The following FRYL variants were observed in gnomAD, a reference collection of about 807,000 sequenced individuals.
FRYL encodes protein furry homolog-like.
Under a neutral mutation model 351.2 loss-of-function variants are expected in FRYL, and 150 were observed. The observed-to-expected ratio is 0.43, with a 90% CI of 0.37 to 0.49. The LOEUF (loss-of-function observed/expected upper bound fraction) is 0.49. FRYL is among the 20% of genes least tolerant of loss of function. The pLI is 0.00. For missense variants in FRYL, 3,036 were observed against 3,619.3 expected (o/e 0.84, Z 4.13); for synonymous variants, 1,153 against 1,257.1 (o/e 0.92, Z 1.75).
intron 9 of FRYL, among the ~76,000 whole-genome samples, chr4:48,607,219 C>T (rs953857413): frequency 1.1e-4 from 17 of 151,988 alleles, no homozygotes; most frequent in African/African-American, 4.1e-4. Flanking sequence ...CTTAATTATC[C>T]CCTTCCCCCC....
At chr4:48,628,586 G>A (rs563603996) in intron 4 of FRYL, among the ~76,000 whole-genome samples, 53 of 151,844 alleles carry the variant, frequency 3.5e-4, no homozygotes, top group African/African-American at 1.2e-3. Context: ...TAGAGTGGGG[G>A]GAATAATTTC....
intron 56 of FRYL, among the ~76,000 whole-genome samples, chr4:48,512,973 T>C (rs1722796401): frequency 6.6e-6 from 1 of 152,172 alleles, no homozygotes; most frequent in South Asian, 2.1e-4. Context: ...TAGTAACTTC[T>C]ATGAATAATA....
intron 4 of FRYL, 57 bp from the exon 5 acceptor site, chr4:48,623,236 T>C: frequency 1.0e-6 from 1 of 986,604 alleles, no homozygotes; most frequent in Non-Finnish European, 1.5e-6. Flanking sequence ...TATAAAACAT[T>C]AGAAATCTTC....
At chr4:48,532,943 GA>G (rs1401421644) in intron 49 of FRYL, among the ~76,000 whole-genome samples, 3 of 151,798 alleles carry the variant, frequency 2.0e-5, no homozygotes, top group Non-Finnish European at 2.9e-5. Context: ...AAGAAATCTG[GA>G]AAAAAAATTG....
intron 1 of FRYL, among the ~76,000 whole-genome samples, chr4:48,721,601 C>G (rs1769481319): frequency 6.6e-6 from 1 of 152,142 alleles, no homozygotes; most frequent in African/African-American, 2.4e-5. Flanking sequence ...CAGCTTAAAA[C>G]TTGAACATCT....
At chr4:48,523,592 C>T (rs2148838027) in intron 53 of FRYL, 1 of 153,822 alleles carries the variant, frequency 6.5e-6, no homozygotes, top group African/African-American at 2.4e-5. Flanking sequence ...TTTGTGATTT[C>T]TCAAACCCAA....
At chr4:48,726,278 C>T (rs1560319687) in intron 1 of FRYL, among the ~76,000 whole-genome samples, 1 of 152,238 alleles carries the variant, frequency 6.6e-6, no homozygotes, top group Admixed American at 6.5e-5. Flanking sequence ...ATTTTCCCTT[C>T]TCCTTCTGGG....
At chr4:48,544,474 ATTTT>A (rs573254352) in intron 43 of FRYL, among the ~76,000 whole-genome samples, 1 of 152,032 alleles carries the variant, frequency 6.6e-6, no homozygotes, top group Admixed American at 6.6e-5. Context: ...TACCAGCACA[ATTTT>A]TTTTAAGTTT....
intron 3 of FRYL, among the ~76,000 whole-genome samples, chr4:48,655,562 T>C (rs1410604631): frequency 6.6e-6 from 1 of 150,786 alleles, no homozygotes; most frequent in Non-Finnish European, 1.5e-5. Flanking sequence ...TCCAAAGTGA[T>C]TTCATAATAC....
chr4:48,551,584 A>G lies in FRYL; in HGVS notation c.4436-6T>C, dbSNP rs1442577829. 6.3e-7 allele frequency: 1 copy of G among 1,584,862 alleles called. No homozygotes were observed. Among genetic ancestry groups the G allele is most frequent in the Admixed American group, 1.7e-5 (1 of 59,824 alleles). ...ATTGCTACTGGAAGTAGTTCCTGTA[A>G]TCAAAGACAAAGCAGTACTCGTGAA... On this transcript the variant is annotated splice_polypyrimidine_tract_variant and splice_region_variant and intron_variant, in intron 36 of 63. Transcript: ENST00000358350.
chr4:48,592,378 A>G (rs1351752036), intron 16 of FRYL, among the ~76,000 whole-genome samples: 2 of 152,080 alleles, frequency 1.3e-5, no homozygotes, highest in Non-Finnish European at 2.9e-5. Context: ...AGTCCTTGAA[A>G]AGAAAATACA....
intron 60 of FRYL, among the ~76,000 whole-genome samples, chr4:48,504,892 G>A (rs2148719345): frequency 6.6e-6 from 1 of 152,134 alleles, no homozygotes; most frequent in East Asian, 1.9e-4. Context: ...CTAGAAATCT[G>A]TAATAATATA....
intron 25 of FRYL, among the ~76,000 whole-genome samples, chr4:48,573,794 GC>G (rs1308134682): frequency 6.6e-6 from 1 of 152,052 alleles, no homozygotes; most frequent in African/African-American, 2.4e-5. Flanking sequence ...CAGGCGATTT[GC>G]CCGCCTCAGC....
chr4:48,510,639 T>C (rs1165100220), intron 58 of FRYL, among the ~76,000 whole-genome samples, 196 bp downstream of exon 58: 3 of 152,148 alleles, frequency 2.0e-5, no homozygotes, highest in Non-Finnish European at 4.4e-5. Flanking sequence ...GGTAAGGGCA[T>C]GAAGGAGTCA....
intron 2 of FRYL, among the ~76,000 whole-genome samples, chr4:48,701,646 T>C (rs1335423642): frequency 1.3e-5 from 2 of 152,190 alleles, no homozygotes; most frequent in Non-Finnish European, 2.9e-5. Context: ...AAATCAAGTA[T>C]GAGAATCAAG....
At chr4:48,682,948 A>AT (rs1252320988) in intron 3 of FRYL, among the ~76,000 whole-genome samples, 3 of 152,186 alleles carry the variant, frequency 2.0e-5, no homozygotes, top group Non-Finnish European at 4.4e-5. Flanking sequence ...AAATCATTCT[A>AT]TTATAAAGAC....
Position 48,549,711 on chromosome 4 carries a change from G to A in FRYL, c.4634-88C>T. On this transcript the variant is annotated intron_variant, in intron 38 of 63. Transcript: ENST00000358350. The surrounding 1 kb of genome is among the most constrained non-coding windows in gnomAD (Gnocchi z 4.2). ...TAGTAAGATCCCAACTATTTATATA[G>A]TATTGGAAAGTGATAAAAAAAATTT... is the stretch of plus-strand genomic sequence containing the variant. The A allele has an allele frequency of 9.6e-7, 1 of 1,036,746 alleles. No individual in the cohort carries two copies. The highest frequency in any genetic ancestry group is 1.4e-6 in the Non-Finnish European group (1 of 730,302). 64.2% of individuals were successfully genotyped at this position (1,036,746 alleles called of 1,614,324 possible). A position where few individuals can be genotyped will look rare whatever the true frequency, so the allele number is the denominator to read the frequency against.
intron 25 of FRYL, among the ~76,000 whole-genome samples, chr4:48,574,159 G>T (rs569118225): frequency 6.6e-6 from 1 of 152,022 alleles, no homozygotes; most frequent in Admixed American, 6.5e-5. Context: ...TTGAAAATGT[G>T]CTTATTTTAA....
chr4:48,502,562 G>A (rs1263167993), intron 61 of FRYL, among the ~76,000 whole-genome samples: 19 of 137,180 alleles, frequency 1.4e-4, no homozygotes, highest in African/African-American at 5.4e-4. Flanking sequence ...AAAAAAAAAA[G>A]TTGTGCACTT....
Sources: gnomAD v4.1 joint callset for allele counts (sites outside exome capture counted in the v4.1 genomes callset) on GRCh38, gnomAD v4.1.1 for gene constraint, Gnocchi (gnomAD v3.1) non-coding constraint, MANE v1.5 for transcripts, NCBI Gene and HGNC (gene_info 2026-07-23, HGNC 2026-07-21) for gene names.